The following AGBL1 variants were observed in gnomAD, a reference collection of about 807,000 sequenced individuals.
AGBL1 encodes the protein AGBL carboxypeptidase 1, also known as cytosolic carboxypeptidase 4.
A neutral mutation model predicts 118.9 loss-of-function variants in AGBL1; 130 were observed. That is an observed-to-expected ratio of 1.09 (90% CI 0.95 to 1.26). AGBL1 has a LOEUF of 1.26. Among genes scored for constraint, AGBL1 ranks in the 50% most tolerant of loss-of-function variants. The pLI is 0.00. For missense variants in AGBL1, 1,584 were observed against 1,298.1 expected, an observed-to-expected ratio of 1.22 and a Z score of -3.38; for synonymous variants, 555 against 478.9, an observed-to-expected ratio of 1.16 and a Z score of -2.08.
At chr15:86,868,606 T>A (rs1411992287) in intron 22 of AGBL1, among the ~76,000 whole-genome samples, 1 of 152,258 alleles carries the variant, frequency 6.6e-6, no homozygotes, top group East Asian at 1.9e-4. Flanking sequence ...GTGTAAAGCA[T>A]TCGTGAAGAG....
At chr15:86,392,954 T>C (rs1421732917) in intron 17 of AGBL1, among the ~76,000 whole-genome samples, 1 of 152,220 alleles carries the variant, frequency 6.6e-6, no homozygotes, top group Non-Finnish European at 1.5e-5. Context: ...TGGTGCATAC[T>C]ATTTACAGCT....
At chr15:86,487,078 A>G (rs1464433449) in intron 18 of AGBL1, among the ~76,000 whole-genome samples, 1 of 152,028 alleles carries the variant, frequency 6.6e-6, no homozygotes, top group East Asian at 1.9e-4. Context: ...CTCAGGTTCT[A>G]ACCATCCTGC....
intron 21 of AGBL1, among the ~76,000 whole-genome samples, chr15:86,628,592 C>T (rs921410032): frequency 2.6e-5 from 4 of 152,082 alleles, no homozygotes; most frequent in South Asian, 4.2e-4. Context: ...GCAAGGAGAT[C>T]GAGACCACCC....
chr15:86,128,936 A>G (rs908943713), intron 1 of AGBL1, among the ~76,000 whole-genome samples: 2 of 152,182 alleles, frequency 1.3e-5, no homozygotes, highest in Non-Finnish European at 2.9e-5. Context: ...GTGGCTACCT[A>G]ATAAATATCT....
At chr15:86,223,162 C>T (rs572499875) in intron 5 of AGBL1, among the ~76,000 whole-genome samples, 2 of 152,198 alleles carry the variant, frequency 1.3e-5, no homozygotes, top group South Asian at 2.1e-4. Context: ...GCCACCTGTC[C>T]CTCCCCACCA....
rs546147636 is a variant in AGBL1, at chr15:86,921,527, A to G, written c.3222-66460A>G. ...TACCTTCTTGCTTATCAGGTTGCTCACTTACTTCTCAAGGCCAGCTAGGTG... is the reference window on the plus strand; with the variant it reads ...TACCTTCTTGCTTATCAGGTTGCTCGCTTACTTCTCAAGGCCAGCTAGGTG... On this transcript the variant is annotated intron_variant, in intron 23 of 24. Coordinates refer to the AGBL1 transcript ENST00000441037. Among the ~76,000 whole-genome samples, 29 of 152,340 alleles carry G rather than the reference A, an allele frequency of 1.9e-4. 1 individual carries two copies. In the South Asian group the frequency reaches 6.0e-3, roughly 32 times the overall value.
intron 22 of AGBL1, among the ~76,000 whole-genome samples, chr15:86,718,357 G>T (rs2086668452): frequency 6.6e-6 from 1 of 152,138 alleles, no homozygotes; most frequent in Admixed American, 6.6e-5. Flanking sequence ...TTGGACACAG[G>T]GTGGGGAACA....
At chr15:86,169,672 G>T (rs1010775621) in intron 5 of AGBL1, among the ~76,000 whole-genome samples, 2 of 152,192 alleles carry the variant, frequency 1.3e-5, no homozygotes, top group Non-Finnish European at 2.9e-5. Context: ...TTGTTAGACT[G>T]TATTGTTTAG....
At chr15:86,595,321 A>C (rs958653132) in intron 21 of AGBL1, among the ~76,000 whole-genome samples, 17 of 152,152 alleles carry the variant, frequency 1.1e-4, no homozygotes, top group African/African-American at 4.1e-4. Flanking sequence ...CATGTTCCAC[A>C]CCAAATGCTT....
At chr15:86,225,756 C>G (rs2078351555) in intron 6 of AGBL1, among the ~76,000 whole-genome samples, 1 of 152,028 alleles carries the variant, frequency 6.6e-6, no homozygotes, top group Admixed American at 6.5e-5. Flanking sequence ...ATATTTGTTT[C>G]TCTATAGGGA....
At chr15:86,550,101 C>A (rs2083644159) in intron 20 of AGBL1, among the ~76,000 whole-genome samples, 1 of 151,558 alleles carries the variant, frequency 6.6e-6, no homozygotes, top group Non-Finnish European at 1.5e-5. Flanking sequence ...GCTGTAGAGA[C>A]CTATAGGATA....
chr15:86,621,629 C>T (rs932334506), intron 21 of AGBL1, among the ~76,000 whole-genome samples: 4 of 152,190 alleles, frequency 2.6e-5, no homozygotes, highest in Admixed American at 2.6e-4. Context: ...TCCTTAATTA[C>T]ATCTGAAAAG....
chr15:86,371,249 A>G (rs1458162798), intron 17 of AGBL1, among the ~76,000 whole-genome samples: 2 of 152,204 alleles, frequency 1.3e-5, no homozygotes, highest in African/African-American at 4.8e-5. Flanking sequence ...TAGGCAAAGA[A>G]CAAAGAGATT....
intron 23 of AGBL1, among the ~76,000 whole-genome samples, chr15:86,954,514 C>A (rs900145140): frequency 1.3e-5 from 2 of 152,162 alleles, no homozygotes; most frequent in South Asian, 4.1e-4. Context: ...ATAGATGCAA[C>A]TGGATGCCAT....
At chr15:86,856,135 A>T (rs980870134) in intron 22 of AGBL1, among the ~76,000 whole-genome samples, 1 of 152,176 alleles carries the variant, frequency 6.6e-6, no homozygotes, top group Non-Finnish European at 1.5e-5. Flanking sequence ...AGGCAGGCCG[A>T]CTGTCTTTCA....
At chr15:86,546,164 T>C (rs754485236) in intron 20 of AGBL1, 31 bp downstream of exon 20, 2 of 1,592,148 alleles carry the variant, frequency 1.3e-6, no homozygotes, top group South Asian at 1.1e-5. Context: ...ACATCAGACA[T>C]GCTGTGTTCA....
intron 18 of AGBL1, among the ~76,000 whole-genome samples, chr15:86,443,040 T>C (rs998561740): frequency 2.0e-5 from 3 of 152,202 alleles, no homozygotes; most frequent in Non-Finnish European, 4.4e-5. Flanking sequence ...CCTGTGCATC[T>C]CTCCCCGGAT....
chr15:86,471,909 C>G (rs1378994225), intron 18 of AGBL1, among the ~76,000 whole-genome samples: 2 of 152,160 alleles, frequency 1.3e-5, no homozygotes, highest in Non-Finnish European at 2.9e-5. Flanking sequence ...AGTTAAAGAT[C>G]TCAAAATGAG....
At chr15:86,356,686 C>T (rs1231379400) in intron 17 of AGBL1, among the ~76,000 whole-genome samples, 1 of 152,174 alleles carries the variant, frequency 6.6e-6, no homozygotes, top group East Asian at 1.9e-4. Flanking sequence ...AGCAGGGCTA[C>T]AGTTCCTGAG....
Sources: allele counts gnomAD v4.1 joint callset (sites outside exome capture counted in the v4.1 genomes callset), GRCh38; gene constraint gnomAD v4.1.1; transcripts MANE v1.5; gene names NCBI Gene and HGNC (gene_info 2026-07-23, HGNC 2026-07-21).